KIRREL3: variants seen among roughly 807,000 people sequenced by gnomAD.
KIRREL3 encodes kirre like nephrin family adhesion molecule 3.
KIRREL3 carries 36 observed loss-of-function variants against 89.7 expected under a neutral mutation model. The ratio of observed to expected loss-of-function variants is 0.40; its 90% CI spans 0.31 to 0.53. The LOEUF (loss-of-function observed/expected upper bound fraction) is 0.53, where lower values mean the gene tolerates loss of function less well. Among genes scored for constraint, KIRREL3 ranks in the 20% least tolerant of loss-of-function variants. KIRREL3 has a pLI of 0.49. For synonymous variants in KIRREL3, 445 were observed against 441.4 expected, an observed-to-expected ratio of 1.01 and a Z score of -0.10; for missense variants, 864 against 1,056.6, an observed-to-expected ratio of 0.82 and a Z score of 2.53.
intron 1 of KIRREL3, among the ~76,000 whole-genome samples, chr11:126,798,635 C>T (rs1950888098): frequency 6.6e-6 from 1 of 152,174 alleles, no homozygotes. Context: ...TGTAGAGCCT[C>T]TAAATTTCCC....
chr11:126,558,454 G>A lies in KIRREL3; in HGVS notation c.133+4381C>T, dbSNP rs989482531. ...GTTAGAGGCTTTCCCTCTGCTCATG[G>A]TCTCAGCCTCCTCTTCCAGAAGTCT... On this transcript the variant is annotated intron_variant, in intron 2 of 16. Transcript: ENST00000525144. The surrounding 1 kb of genome is among the most constrained non-coding windows in gnomAD (Gnocchi z 4.0). Among the ~76,000 whole-genome samples the A allele has an allele frequency of 6.6e-6, 1 of 151,666 alleles. No homozygotes were observed. The highest frequency in any genetic ancestry group is 2.1e-4 in the South Asian group (1 of 4,826).
chr11:126,866,465 G>A (rs1944921942), intron 1 of KIRREL3, among the ~76,000 whole-genome samples: 3 of 152,124 alleles, frequency 2.0e-5, no homozygotes, highest in South Asian at 2.1e-4. Context: ...AAATGGAATC[G>A]CTCCTTGCCA....
chr11:126,431,181 C>T lies in KIRREL3; in HGVS notation c.1696+238G>A. 1.4e-6 allele frequency: 2 copies of T among 1,457,362 alleles called. No homozygotes were observed. Among genetic ancestry groups the T allele is most frequent in the Non-Finnish European group, 1.8e-6 (2 of 1,104,056 alleles). The allele number at this position is 1,457,362 out of a possible 1,614,324, so 90.3% of individuals were successfully genotyped here. Reference sequence around the variant, plus strand: ...GTGTTCAATCCAAAATGCTGGCTGCCCTGCAGATGAAGTTCAGTCTAGTCC... The same window carrying T: ...GTGTTCAATCCAAAATGCTGGCTGCTCTGCAGATGAAGTTCAGTCTAGTCC... On this transcript the variant is annotated intron_variant, in intron 14 of 16. Coordinates refer to ENST00000525144, the MANE Select transcript of KIRREL3 (RefSeq NM_032531.4). This position sits in a 1 kb window ranked among gnomAD's most constrained non-coding sequence, Gnocchi z 7.1.
chr11:126,956,603 A>T (rs2135165324), intron 1 of KIRREL3, among the ~76,000 whole-genome samples: 1 of 152,274 alleles, frequency 6.6e-6, no homozygotes, highest in African/African-American at 2.4e-5. Flanking sequence ...GATTTTTGTT[A>T]GGGGTGGTAG....
At position 126,587,523 on chromosome 11, in the gene KIRREL3, T is replaced by C. The variant is rs1231586328; in HGVS notation, c.56-24611A>G. 6.6e-6 allele frequency among the ~76,000 whole-genome samples: 1 copy of C among 152,170 alleles called. No individual in the cohort carries two copies. Among genetic ancestry groups the C allele is most frequent in the Non-Finnish European group, 1.5e-5 (1 of 68,032 alleles). On this transcript the variant is annotated intron_variant, in intron 1 of 16. Coordinates refer to ENST00000525144, the MANE Select transcript of KIRREL3 (RefSeq NM_032531.4). This position sits in a 1 kb window ranked among gnomAD's most constrained non-coding sequence, Gnocchi z 5.2. ...ACCCTGTAGCCTGCAGTCTTCACTG[T>C]GCTCTCGACTCCCCCAGCCTTTCAT...
At chr11:126,932,504 T>A (rs1947992277) in intron 1 of KIRREL3, among the ~76,000 whole-genome samples, 1 of 152,164 alleles carries the variant, frequency 6.6e-6, no homozygotes, top group Non-Finnish European at 1.5e-5. Flanking sequence ...GATATGACCA[T>A]CAACATTAGT....
intron 1 of KIRREL3, among the ~76,000 whole-genome samples, chr11:126,743,246 T>C (rs1486999986): frequency 6.6e-6 from 1 of 152,206 alleles, no homozygotes; most frequent in Non-Finnish European, 1.5e-5. Flanking sequence ...AGTCATTTAC[T>C]GCCATGGGCC....
chr11:126,464,574 T>G (rs1956659759), intron 5 of KIRREL3, among the ~76,000 whole-genome samples: 1 of 148,642 alleles, frequency 6.7e-6, no homozygotes, highest in African/African-American at 2.5e-5. Flanking sequence ...AGGAGAAGGA[T>G]AAAGAGAAAG....
chr11:126,675,708 C>G (rs1946157833), intron 1 of KIRREL3, among the ~76,000 whole-genome samples: 1 of 152,096 alleles, frequency 6.6e-6, no homozygotes, highest in Non-Finnish European at 1.5e-5. Context: ...TAAAAAGGAA[C>G]TAACAGGGTC....
rs574840479 is a variant in KIRREL3 at position 126,669,432 on chromosome 11, T to C, written c.56-106520A>G. On this transcript the variant is annotated intron_variant, in intron 1 of 16. Transcript: ENST00000525144. The surrounding 1 kb of genome is among the most constrained non-coding windows in gnomAD (Gnocchi z 5.0). ...CCCATGTATTTTTAACCCACTAACATAATCCCCAATGTTTCCATGTCTTTA... is the reference window on the plus strand; with the variant it reads ...CCCATGTATTTTTAACCCACTAACACAATCCCCAATGTTTCCATGTCTTTA... Among the ~76,000 whole-genome samples the C allele has an allele frequency of 6.6e-6, 1 of 152,374 alleles. No homozygotes were observed. Among genetic ancestry groups the C allele is most frequent in the African/African-American group, 2.4e-5 (1 of 41,594 alleles).
Position 126,995,098 on chromosome 11 carries a change from T to C in KIRREL3, c.55+5357A>G. On this transcript the variant is annotated intron_variant, in intron 1 of 16. Coordinates refer to ENST00000525144, the MANE Select transcript of KIRREL3 (RefSeq NM_032531.4). The surrounding 1 kb of genome is among the most constrained non-coding windows in gnomAD (Gnocchi z 6.5). ...AATACAGGATGAAGCGATTACAACC[T>C]GGGCGCAGTATACTGGCTGGCTTTG... 1 of 427,916 alleles carries C rather than the reference T, an allele frequency of 2.3e-6. No individual in the cohort carries two copies. Among genetic ancestry groups the C allele is most frequent in the Non-Finnish European group, 4.7e-6 (1 of 213,126 alleles). The allele number at this position is 427,916 out of a possible 1,614,324, so 26.5% of individuals were successfully genotyped here. A position where few individuals can be genotyped will look rare whatever the true frequency, so the allele number is the denominator to read the frequency against.
Position 126,525,346 on chromosome 11 carries a change from G to A in KIRREL3, c.283+1192C>T, listed in dbSNP as rs1042138215. Among the ~76,000 whole-genome samples, 9 of 152,270 alleles carry A rather than the reference G, an allele frequency of 5.9e-5. No individual in the cohort carries two copies. Among genetic ancestry groups the A allele is most frequent in the Middle Eastern group, 3.4e-3 (1 of 294 alleles). ...CCTGGAGTTTCTCTAGGGTAAAGGC[G>A]TTCGGAGTCTCTGAAATTGGCTGGT... On this transcript the variant is annotated intron_variant, in intron 3 of 16. Transcript: ENST00000525144. The surrounding 1 kb of genome is among the most constrained non-coding windows in gnomAD (Gnocchi z 5.4).
chr11:126,810,679 T>C (rs1024005155), intron 1 of KIRREL3, among the ~76,000 whole-genome samples: 8 of 152,220 alleles, frequency 5.3e-5, no homozygotes, highest in Middle Eastern at 3.4e-3. Context: ...GGTCTTTACA[T>C]TGAAGAGGGA....
chr11:126,906,630 G>C lies in KIRREL3; in HGVS notation c.55+93825C>G, dbSNP rs546448603. Among the ~76,000 whole-genome samples the C allele has an allele frequency of 1.9e-4, 29 of 151,708 alleles. No homozygotes were observed. Among genetic ancestry groups the C allele is most frequent in the African/African-American group, 7.0e-4 (29 of 41,340 alleles). ...TCCTTTCCTTTCACTGTTTTTTTTAGCATGTATGGGAACATTATATTCACC... is the reference window on the plus strand; with the variant it reads ...TCCTTTCCTTTCACTGTTTTTTTTACCATGTATGGGAACATTATATTCACC... On this transcript the variant is annotated intron_variant, in intron 1 of 16. Coordinates refer to ENST00000525144, the MANE Select transcript of KIRREL3 (RefSeq NM_032531.4). This position sits in a 1 kb window ranked among gnomAD's most constrained non-coding sequence, Gnocchi z 4.1.
intron 4 of KIRREL3, among the ~76,000 whole-genome samples, chr11:126,517,133 A>AGGG (rs1445384289): frequency 8.0e-5 from 10 of 124,528 alleles, no homozygotes; most frequent in African/African-American, 3.2e-4. Context: ...AGAGAGAGAG[A>AGGG]GAAAGAGAGA....
In KIRREL3 at chr11:126,668,338, A is replaced by AG. The variant is rs1945757268; in HGVS notation, c.56-105427_56-105426insC. ...CGTTTTCATGACCTAATCACCTCCC[A>AG]AAGGCCTCACCTCCTAATACCGTAG... On this transcript the variant is annotated intron_variant, in intron 1 of 16. Transcript: ENST00000525144. This position sits in a 1 kb window ranked among gnomAD's most constrained non-coding sequence, Gnocchi z 4.4. Among the ~76,000 whole-genome samples, 1 of 152,168 alleles carries AG rather than the reference A, an allele frequency of 6.6e-6. No individual in the cohort carries two copies. The highest frequency in any genetic ancestry group is 6.5e-5 in the Admixed American group (1 of 15,278).
chr11:127,002,520 AAAT>A, upstream of KIRREL3, among the ~76,000 whole-genome samples: 1 of 152,340 alleles, frequency 6.6e-6, no homozygotes, highest in East Asian at 1.9e-4. Flanking sequence ...AGGAGATGAA[AAAT>A]AATTTTAAAT....
chr11:126,445,843 T>A (rs1955774781), intron 9 of KIRREL3, among the ~76,000 whole-genome samples: 1 of 152,110 alleles, frequency 6.6e-6, no homozygotes, highest in Non-Finnish European at 1.5e-5. Context: ...GAAGAATATA[T>A]ACGTCTTAAA....
Position 126,430,643 on chromosome 11 carries a change from G to A in KIRREL3, c.1696+776C>T, listed in dbSNP as rs1228002319. On this transcript the variant is annotated intron_variant, in intron 14 of 16. Transcript: ENST00000525144. This position sits in a 1 kb window ranked among gnomAD's most constrained non-coding sequence, Gnocchi z 6.6. ...TTTCTTCAAACATGTGCAGGCTGCC[G>A]AGTGGCAGAGGAGCAGACCCATTCT... Among the ~76,000 whole-genome samples, 3 of 152,150 alleles carry A rather than the reference G, an allele frequency of 2.0e-5. No homozygotes were observed. The highest frequency in any genetic ancestry group is 6.5e-5 in the Admixed American group (1 of 15,276).
Sources: allele counts gnomAD v4.1 joint callset (sites outside exome capture counted in the v4.1 genomes callset), GRCh38; gene constraint gnomAD v4.1.1; non-coding constraint Gnocchi (gnomAD v3.1); transcripts MANE v1.5; gene names NCBI Gene and HGNC (gene_info 2026-07-23, HGNC 2026-07-21).